The following SPRING1 variants were observed in gnomAD, a reference collection of about 807,000 sequenced individuals.
The protein encoded by SPRING1 is SREBP regulating gene protein.
SPRING1 carries 14 observed loss-of-function variants against 24.7 expected under a neutral mutation model. The observed-to-expected ratio is 0.57, with a 90% CI of 0.37 to 0.88. SPRING1 has a LOEUF of 0.88. SPRING1 is among the 40% of genes least tolerant of loss of function. SPRING1 has a pLI of 0.00. For synonymous variants in SPRING1, 93 were observed against 106.1 expected (o/e 0.88, Z 0.76); for missense variants, 255 against 268.4 (o/e 0.95, Z 0.35).
intron 1 of SPRING1, among the ~76,000 whole-genome samples, chr12:116,725,992 TTAAA>T (rs1475363931): frequency 6.6e-6 from 1 of 152,222 alleles, no homozygotes; most frequent in African/African-American, 2.4e-5. Context: ...TCCCATCAAC[TTAAA>T]TAAATTCTAT....
chr12:116,723,779 G>A (rs1203140566), intron 1 of SPRING1, among the ~76,000 whole-genome samples: 1 of 152,142 alleles, frequency 6.6e-6, no homozygotes, highest in Non-Finnish European at 1.5e-5. Context: ...ATGTCAACTT[G>A]TGAATTTCTT....
intron 1 of SPRING1, among the ~76,000 whole-genome samples, chr12:116,726,957 G>A (rs926360253): frequency 6.6e-6 from 1 of 152,132 alleles, no homozygotes. Context: ...TTCCAAACAC[G>A]AATATTCAAG....
rs977927710 is a variant in SPRING1, at chr12:116,719,256, C to T, written c.534+507G>A. On this transcript the variant is annotated intron_variant, in intron 4 of 4. Transcript: ENST00000261318. Reference sequence around the variant, plus strand: ...AAAAGAGTGAAGCATTTAATGACAGCACGCTAATATGTATTGAGAGCCTGA... The same window carrying T: ...AAAAGAGTGAAGCATTTAATGACAGTACGCTAATATGTATTGAGAGCCTGA... Among the ~76,000 whole-genome samples the T allele has an allele frequency of 8.2e-4, 125 of 152,298 alleles. 1 individual carries two copies. The highest frequency in any genetic ancestry group is 2.8e-3 in the African/African-American group (117 of 41,578).
At chr12:116,721,195 A>C (rs1176782178) in intron 2 of SPRING1, among the ~76,000 whole-genome samples, 11 of 152,348 alleles carry the variant, frequency 7.2e-5, no homozygotes, top group Non-Finnish European at 7.3e-5. Context: ...TGTATTGTTC[A>C]GAGCTGCTAA....
chr12:116,737,414 G>C (rs1306354385), intron 1 of SPRING1, among the ~76,000 whole-genome samples: 1 of 151,338 alleles, frequency 6.6e-6, no homozygotes, highest in African/African-American at 2.4e-5. Context: ...GAGGGGGACA[G>C]AAAGGAGGAG....
chr12:116,718,330 T>C (rs573179593), intron 4 of SPRING1, among the ~76,000 whole-genome samples: 11 of 152,256 alleles, frequency 7.2e-5, no homozygotes, highest in Non-Finnish European at 1.5e-4. Context: ...ATAAAGTTTA[T>C]GTACCTAAAA....
rs1870165630 is a variant in SPRING1, at chr12:116,716,964, T to C, written c.*846A>G. 1 of 152,206 alleles carries C rather than the reference T, an allele frequency of 6.6e-6. No homozygotes were observed. The highest frequency in any genetic ancestry group is 1.5e-5 in the Non-Finnish European group (1 of 68,034). The allele number at this position is 152,206 out of a possible 1,614,324, so 9.4% of individuals were successfully genotyped here. On this transcript the variant is annotated 3_prime_UTR_variant, in exon 5 of 5. Transcript: ENST00000261318. ...TGGCTGAGTAGCCCACAGTTAATTT[T>C]AAGTGGCAAAAGAAATGAGAACAAA... is the stretch of plus-strand genomic sequence containing the variant.
rs1870353297 is a variant in SPRING1, at chr12:116,720,143, G to T, written c.420+153C>A. On this transcript the variant is annotated intron_variant, in intron 3 of 4. Coordinates refer to ENST00000261318, the MANE Select transcript of SPRING1 (RefSeq NM_024738.4). The surrounding 1 kb of genome is among the most constrained non-coding windows in gnomAD (Gnocchi z 4.0). ...AACTGGGAACCACCTCCTTTCCTTAGATAAAAGCTATTGTGCAGCAATTTC... is the reference window on the plus strand; with the variant it reads ...AACTGGGAACCACCTCCTTTCCTTATATAAAAGCTATTGTGCAGCAATTTC... 9.7e-7 allele frequency: 1 copy of T among 1,029,444 alleles called. No homozygotes were observed. Among genetic ancestry groups the T allele is most frequent in the African/African-American group, 1.6e-5 (1 of 61,556 alleles). The allele number at this position is 1,029,444 out of a possible 1,614,324, so 63.8% of individuals were successfully genotyped here. A position where few individuals can be genotyped will look rare whatever the true frequency, so the allele number is the denominator to read the frequency against.
chr12:116,737,021 C>T (rs1439529641), intron 1 of SPRING1, among the ~76,000 whole-genome samples: 2 of 152,218 alleles, frequency 1.3e-5, no homozygotes, highest in African/African-American at 2.4e-5. Context: ...CCCAGGCCTG[C>T]TGCGAAGATG....
At chr12:116,730,292 A>G (rs1375121126) in intron 1 of SPRING1, among the ~76,000 whole-genome samples, 1 of 150,288 alleles carries the variant, frequency 6.7e-6, no homozygotes, top group African/African-American at 2.5e-5. Context: ...TGCAACTTCC[A>G]CCTCAGGTTC....
Position 116,712,173 on chromosome 12 carries a change from A to G in SPRING1, c.*5637T>C, listed in dbSNP as rs1398677031. The G allele has an allele frequency of 6.6e-6, 1 of 152,182 alleles. No individual in the cohort carries two copies. The highest frequency in any genetic ancestry group is 1.5e-5 in the Non-Finnish European group (1 of 68,034). The allele number at this position is 152,182 out of a possible 1,614,324, so 9.4% of individuals were successfully genotyped here. ...ATTTGAATAATTAACTGCTTTGCTC[A>G]TTGGTTGTAACTGGCAAGTCATTCT... On this transcript the variant is annotated 3_prime_UTR_variant, in exon 5 of 5. Transcript: ENST00000261318.
rs1463224700 is a variant in SPRING1, at chr12:116,728,828, C to T, written c.112-5605G>A. On this transcript the variant is annotated intron_variant, in intron 1 of 4. Coordinates refer to ENST00000261318, the MANE Select transcript of SPRING1 (RefSeq NM_024738.4). The surrounding 1 kb of genome is among the most constrained non-coding windows in gnomAD (Gnocchi z 4.2). ...CAAACTGAGGCCAGCTGAGCAGGGA[C>T]GGCCAAGTCAGACGCATGCAGGAGC... Among the ~76,000 whole-genome samples, 2 of 152,206 alleles carry T rather than the reference C, an allele frequency of 1.3e-5. No individual in the cohort carries two copies. Among genetic ancestry groups the T allele is most frequent in the South Asian group, 2.1e-4 (1 of 4,834 alleles).
intron 1 of SPRING1, among the ~76,000 whole-genome samples, chr12:116,737,039 C>T (rs1237500624): frequency 6.6e-6 from 1 of 152,208 alleles, no homozygotes; most frequent in Non-Finnish European, 1.5e-5. Flanking sequence ...ATGAAGCCAG[C>T]AAATGCACGC....
intron 1 of SPRING1, among the ~76,000 whole-genome samples, chr12:116,723,598 A>C (rs148386557): frequency 2.0e-5 from 3 of 152,362 alleles, no homozygotes; most frequent in Admixed American, 2.0e-4. Context: ...ACATTGTGGA[A>C]CAGAACTTAA....
Position 116,719,770 on chromosome 12 carries a change from G to C in SPRING1, c.527C>G (p.Ser176Ter). The C allele has an allele frequency of 6.2e-7, 1 of 1,613,806 alleles. No individual in the cohort carries two copies. The highest frequency in any genetic ancestry group is 2.2e-5 in the East Asian group (1 of 44,882). Residue 176 changes from serine to a stop codon, truncating the protein, a stop_gained, in exon 4 of 5, where the codon TCA becomes TGA. Transcript: ENST00000261318. LOFTEE classifies it high-confidence loss of function. Reference sequence around the variant, plus strand: ...GACATCACAGCTTCTGACCTGAGATGAGGTCCTGCATTTGGCCAGGCACAA... The same window carrying C: ...GACATCACAGCTTCTGACCTGAGATCAGGTCCTGCATTTGGCCAGGCACAA... ...FELCLAKCRT[S>*]SQSVQHENTY...
chr12:116,719,285 C>T (rs972597303), intron 4 of SPRING1, among the ~76,000 whole-genome samples: 4 of 152,120 alleles, frequency 2.6e-5, no homozygotes, highest in Non-Finnish European at 4.4e-5. Flanking sequence ...AGCCTGACAG[C>T]CTACAGATTT....
chr12:116,728,865 A>G lies in SPRING1; in HGVS notation c.112-5642T>C, dbSNP rs562341226. Among the ~76,000 whole-genome samples, 1 of 152,346 alleles carries G rather than the reference A, an allele frequency of 6.6e-6. No individual in the cohort carries two copies. Among genetic ancestry groups the G allele is most frequent in the African/African-American group, 2.4e-5 (1 of 41,582 alleles). On this transcript the variant is annotated intron_variant, in intron 1 of 4. Transcript: ENST00000261318. This position sits in a 1 kb window ranked among gnomAD's most constrained non-coding sequence, Gnocchi z 4.2. ...ACGCATGCAGGAGCGCCTCTGCCAG[A>G]GCACCCAGGACAGCGGGGCTCAAAA...
chr12:116,717,956 C>T lies in SPRING1; in HGVS notation c.535-63G>A. The stretch of plus-strand genomic sequence containing the variant: ...AGCACAGCTTCACACACCTCCCTCT[C>T]GGAAGAGTGAGAGTGGATCGGGACT... On this transcript the variant is annotated intron_variant, in intron 4 of 4. Coordinates refer to ENST00000261318, the MANE Select transcript of SPRING1 (RefSeq NM_024738.4). This position sits in a 1 kb window ranked among gnomAD's most constrained non-coding sequence, Gnocchi z 4.2. The T allele has an allele frequency of 2.2e-6, 3 of 1,341,740 alleles. No individual in the cohort carries two copies. Among genetic ancestry groups the T allele is most frequent in the South Asian group, 1.4e-5 (1 of 70,396 alleles). 83.1% of individuals were successfully genotyped at this position (1,341,740 alleles called of 1,614,324 possible). A position where few individuals can be genotyped will look rare whatever the true frequency, so the allele number is the denominator to read the frequency against.
chr12:116,717,964 TGA>T lies in SPRING1; in HGVS notation c.535-73_535-72del. ...TTCACACACCTCCCTCTCGGAAGAG[TGA>T]GAGTGGATCGGGACTGTCAGACTCT... On this transcript the variant is annotated intron_variant, in intron 4 of 4. Coordinates refer to ENST00000261318, the MANE Select transcript of SPRING1 (RefSeq NM_024738.4). This position sits in a 1 kb window ranked among gnomAD's most constrained non-coding sequence, Gnocchi z 4.2. The T allele has an allele frequency of 7.8e-7, 1 of 1,286,066 alleles. No homozygotes were observed. Among genetic ancestry groups the T allele is most frequent in the Non-Finnish European group, 1.1e-6 (1 of 940,364 alleles). 79.7% of individuals were successfully genotyped at this position (1,286,066 alleles called of 1,614,324 possible).
Sources: gnomAD v4.1 joint callset for allele counts (sites outside exome capture counted in the v4.1 genomes callset) on GRCh38, gnomAD v4.1.1 for gene constraint, Gnocchi (gnomAD v3.1) non-coding constraint, MANE v1.5 for transcripts, NCBI Gene and HGNC (gene_info 2026-07-23, HGNC 2026-07-21) for gene names.